CCDC170: variants seen among roughly 807,000 people sequenced by gnomAD.
CCDC170 encodes the protein coiled-coil domain-containing protein 170.
In CCDC170, 69 loss-of-function variants were observed where a neutral mutation model predicts 72.6. That is an observed-to-expected ratio of 0.95 (90% confidence interval 0.78 to 1.16). The LOEUF is 1.16. Ranked by LOEUF, CCDC170 falls within the 50% of genes most tolerant of loss-of-function variation. The pLI is 0.00. For missense variants in CCDC170, 852 were observed against 832.5 expected, an observed-to-expected ratio of 1.02 and a Z score of -0.29; for synonymous variants, 300 against 303.9, an observed-to-expected ratio of 0.99 and a Z score of 0.13.
chr6:151,618,081 CT>C lies in CCDC170; in HGVS notation c.2083del (p.Cys695AlafsTer5). 1 of 1,614,138 alleles carries C rather than the reference CT, an allele frequency of 6.2e-7. No individual in the cohort carries two copies. Among genetic ancestry groups the C allele is most frequent in the African/African-American group, 1.3e-5 (1 of 75,022 alleles). On this transcript the variant is annotated frameshift_variant, in exon 11 of 11. Coordinates refer to ENST00000239374, the MANE Select transcript of CCDC170 (RefSeq NM_025059.4). LOFTEE classifies it low-confidence loss of function (END_TRUNC). Reference sequence around the variant, plus strand: ...ATCAGCATCACTTTGTTACCTGTGCCTGCCTCAAAGATGTGACTACTGGGCA... The same window carrying C: ...ATCAGCATCACTTTGTTACCTGTGCCGCCTCAAAGATGTGACTACTGGGCA... Reference protein sequence around the residue: ...SHQHHFVTCACLKDVTTGQER... With the variant: ...SHQHHFVTCAXLKDVTTGQER...
intron 5 of CCDC170, among the ~76,000 whole-genome samples, chr6:151,563,715 C>A (rs900929326): frequency 2.0e-5 from 3 of 152,080 alleles, no homozygotes; most frequent in African/African-American, 7.2e-5. Flanking sequence ...TCTCAGATGC[C>A]CCCAATAGTG....
At chr6:151,508,957 G>A (rs1782102596) in intron 1 of CCDC170, among the ~76,000 whole-genome samples, 1 of 151,120 alleles carries the variant, frequency 6.6e-6, no homozygotes, top group African/African-American at 2.4e-5. Flanking sequence ...GGAGGTTGTG[G>A]TGGGGCGAGA....
Position 151,509,918 on chromosome 6 carries a change from T to C in CCDC170, c.57+15733T>C, listed in dbSNP as rs527312542. On this transcript the variant is annotated intron_variant, in intron 1 of 10. Coordinates refer to ENST00000239374, the MANE Select transcript of CCDC170 (RefSeq NM_025059.4). ...GACAGCTGGATCACAAGGTCAGGAG[T>C]TCCAGACCAGCCTGGCCAACATAGT... Among the ~76,000 whole-genome samples the C allele has an allele frequency of 1.7e-3, 256 of 152,024 alleles. No homozygotes were observed. The Middle Eastern group carries it at 0.017, about 10-fold the overall frequency.
At chr6:151,526,512 G>C (rs12210735) in intron 1 of CCDC170, among the ~76,000 whole-genome samples, 53 of 141,942 alleles carry the variant, frequency 3.7e-4, no homozygotes, top group Non-Finnish European at 7.0e-4. Context: ...GAGCCACCCC[G>C]CCTGGCCTTT....
intron 1 of CCDC170, among the ~76,000 whole-genome samples, chr6:151,499,717 C>T (rs1781965887): frequency 6.6e-6 from 1 of 152,228 alleles, no homozygotes; most frequent in South Asian, 2.1e-4. Context: ...CAATGACTGG[C>T]TTATTTCACT....
rs187077068 is a variant in CCDC170, at chr6:151,587,644, A to G, written c.1293+1555A>G. Among the ~76,000 whole-genome samples the G allele has an allele frequency of 1.8e-4, 28 of 152,354 alleles. No homozygotes were observed. The East Asian group carries it at 5.0e-3, about 27-fold the overall frequency. On this transcript the variant is annotated intron_variant, in intron 7 of 10. Transcript: ENST00000239374. ...ATGCCTGCATTGAGGTTGGATATGC[A>G]AAGATGTGCCAAAGGTGTCTGTGGA...
chr6:151,573,478 A>G lies in CCDC170; in HGVS notation c.1079A>G (p.Glu360Gly). 6.2e-7 allele frequency: 1 copy of G among 1,613,754 alleles called. No individual in the cohort carries two copies. The highest frequency in any genetic ancestry group is 8.5e-7 in the Non-Finnish European group (1 of 1,179,706). ...EKIREMDSRE[E>G]SRDRMVSQLE... The stretch of plus-strand genomic sequence containing the variant: ...ATTCGAGAAATGGACAGCCGGGAAG[A>G]AAGCAGGGACCGGGTGAGTGGGTCA... Residue 360 changes from glutamate to glycine, a missense_variant, in exon 6 of 11, where the codon GAA (glutamate) becomes GGA (glycine). Physicochemically the swap from Glu to Gly is moderately conservative, Grantham distance 98 (BLOSUM62 -2). Transcript: ENST00000239374.
intron 1 of CCDC170, 137 bp downstream of exon 1, chr6:151,494,322 G>A: frequency 1.0e-6 from 1 of 955,736 alleles, no homozygotes; most frequent in Non-Finnish European, 1.4e-6. Context: ...TGCCCGCGAG[G>A]GCTGTGGCCT....
At chr6:151,524,395 G>A (rs1782370945) in intron 1 of CCDC170, among the ~76,000 whole-genome samples, 1 of 152,160 alleles carries the variant, frequency 6.6e-6, no homozygotes, top group African/African-American at 2.4e-5. Context: ...CCATGCAGGG[G>A]TCCAAGTTCA....
At chr6:151,607,304 A>G (rs1370270892) in intron 9 of CCDC170, among the ~76,000 whole-genome samples, 2 of 152,044 alleles carry the variant, frequency 1.3e-5, no homozygotes, top group Non-Finnish European at 2.9e-5. Context: ...ATAAGTGAGG[A>G]CTTACTCCTT....
At chr6:151,596,309 A>C in intron 8 of CCDC170, 26 bp from the exon 9 acceptor site, 1 of 1,570,562 alleles carries the variant, frequency 6.4e-7, no homozygotes, top group South Asian at 1.2e-5. Context: ...TTATTAAAAA[A>C]AAAATCCCTG....
Position 151,538,094 on chromosome 6 carries a change from A to G in CCDC170, c.236A>G (p.Glu79Gly). 6.2e-7 allele frequency: 1 copy of G among 1,613,926 alleles called. No individual in the cohort carries two copies. Among genetic ancestry groups the G allele is most frequent in the Non-Finnish European group, 8.5e-7 (1 of 1,179,914 alleles). The stretch of plus-strand genomic sequence containing the variant: ...CTTTCTAAAGAAGTCTCCTGTCAAG[A>G]ACTGAAAGCTGAAATGGAGAGCTAC... ...KMLSKEVSCQELKAEMESYKE... is the reference protein window; with the variant it reads ...KMLSKEVSCQGLKAEMESYKE... The change falls in exon 3 of 11, where the codon GAA (glutamate) becomes GGA (glycine). Residue 79 changes from glutamate (E) to glycine (G), a missense_variant. Transcript: ENST00000239374.
At chr6:151,494,345 G>T (rs555165727) in intron 1 of CCDC170, among the ~76,000 whole-genome samples, 160 bp downstream of exon 1, 1 of 152,222 alleles carries the variant, frequency 6.6e-6, no homozygotes, top group South Asian at 2.1e-4. Context: ...GACTGCCAGG[G>T]CGCTGATTTC....
intron 8 of CCDC170, among the ~76,000 whole-genome samples, chr6:151,595,978 G>C (rs1357611478): frequency 1.3e-5 from 2 of 152,132 alleles, no homozygotes; most frequent in East Asian, 3.8e-4. Context: ...ATGTTGGACA[G>C]GATTTTGTCT....
At chr6:151,496,289 C>T (rs1482671973) in intron 1 of CCDC170, among the ~76,000 whole-genome samples, 3 of 152,088 alleles carry the variant, frequency 2.0e-5, no homozygotes, top group African/African-American at 7.2e-5. Context: ...CAGATTTTTC[C>T]CCTTTAGCAA....
chr6:151,596,694 G>C, intron 9 of CCDC170, 117 bp downstream of exon 9: 2 of 1,413,526 alleles, frequency 1.4e-6, no homozygotes, highest in Non-Finnish European at 1.9e-6. Flanking sequence ...AGCCTCCTCT[G>C]ATTTTCTAGA....
At chr6:151,573,037 A>G (rs1776246165) in intron 5 of CCDC170, 137 bp from the exon 6 acceptor site, 1 of 709,750 alleles carries the variant, frequency 1.4e-6, no homozygotes, top group South Asian at 1.9e-5. Context: ...GGGAACTTGG[A>G]GTTAAAAATG....
intron 5 of CCDC170, among the ~76,000 whole-genome samples, chr6:151,554,054 A>T (rs567785089): frequency 6.6e-6 from 1 of 152,316 alleles, no homozygotes; most frequent in African/African-American, 2.4e-5. Context: ...TTCGCAAATA[A>T]AAATCCAAGT....
chr6:151,539,147 C>A (rs1450707354), intron 3 of CCDC170, among the ~76,000 whole-genome samples: 9 of 152,080 alleles, frequency 5.9e-5, no homozygotes, highest in Admixed American at 4.6e-4. Flanking sequence ...TTAATCCCAG[C>A]TACTCGAGAG....
Sources: gnomAD v4.1 joint callset for allele counts (sites outside exome capture counted in the v4.1 genomes callset) on GRCh38, gnomAD v4.1.1 for gene constraint, MANE v1.5 for transcripts, NCBI Gene and HGNC (gene_info 2026-07-23, HGNC 2026-07-21) for gene names.